The following CLEC16A variants were observed in gnomAD, a reference collection of about 807,000 sequenced individuals.
The protein encoded by CLEC16A is protein CLEC16A.
A neutral mutation model predicts 109.5 loss-of-function variants in CLEC16A; 51 were observed. That is an observed-to-expected ratio of 0.47 (90% confidence interval 0.37 to 0.59). The LOEUF is 0.59. CLEC16A is among the 20% of genes least tolerant of loss of function. The pLI, the probability that CLEC16A is intolerant of heterozygous loss-of-function variation, is 0.00. For missense variants in CLEC16A, 1,339 were observed against 1,394.0 expected, an observed-to-expected ratio of 0.96 and a Z score of 0.63; for synonymous variants, 673 against 564.2, an observed-to-expected ratio of 1.19 and a Z score of -2.73.
chr16:10,957,437 C>G (rs1030506064), intron 1 of CLEC16A, among the ~76,000 whole-genome samples: 2 of 152,244 alleles, frequency 1.3e-5, no homozygotes, highest in Non-Finnish European at 2.9e-5. Flanking sequence ...TTGCTCTTCT[C>G]TCAGTCCTGC....
At chr16:11,080,379 G>A (rs1292282973) in intron 19 of CLEC16A, among the ~76,000 whole-genome samples, 5 of 152,216 alleles carry the variant, frequency 3.3e-5, no homozygotes, top group South Asian at 2.1e-4. Flanking sequence ...CTGGGCGTCC[G>A]AGCCTTTGAG....
chr16:11,108,464 G>C (rs1246514841), intron 19 of CLEC16A, among the ~76,000 whole-genome samples: 3 of 152,254 alleles, frequency 2.0e-5, no homozygotes, highest in African/African-American at 7.2e-5. Context: ...TCATTTGACT[G>C]TCTCCTTGCC....
intron 4 of CLEC16A, 92 bp from the exon 5 acceptor site, chr16:10,971,033 T>TTTTCC: frequency 1.5e-6 from 1 of 666,310 alleles, no homozygotes. Context: ...TTTGTCTTTT[T>TTTTCC]CTGAAGTCTC....
chr16:10,998,798 T>A (rs1332162026), intron 10 of CLEC16A, among the ~76,000 whole-genome samples: 1 of 152,042 alleles, frequency 6.6e-6, no homozygotes, highest in East Asian at 1.9e-4. Flanking sequence ...GGGGTAGAGA[T>A]GAGAGCACAG....
At chr16:11,028,596 T>A (rs2046560449) in intron 13 of CLEC16A, among the ~76,000 whole-genome samples, 1 of 149,466 alleles carries the variant, frequency 6.7e-6, no homozygotes, top group African/African-American at 2.5e-5. Context: ...CGTAGGAAGC[T>A]TTGATCATTG....
chr16:11,074,413 G>T (rs1662499213), intron 19 of CLEC16A, among the ~76,000 whole-genome samples: 1 of 152,206 alleles, frequency 6.6e-6, no homozygotes, highest in Non-Finnish European at 1.5e-5. Context: ...CTGGAAATGG[G>T]ATTGTAATAG....
chr16:11,062,625 G>A (rs181420952), intron 19 of CLEC16A, among the ~76,000 whole-genome samples: 210 of 152,312 alleles, frequency 1.4e-3, no homozygotes, highest in Middle Eastern at 6.8e-3. Flanking sequence ...CGCCTGACAC[G>A]TAGAGGTTCT....
Position 11,174,378 on chromosome 16 carries a change from C to T in CLEC16A, c.2807-3957C>T, listed in dbSNP as rs965303125. 1.3e-5 allele frequency: 5 copies of T among 373,716 alleles called. No individual in the cohort carries two copies. The highest frequency in any genetic ancestry group is 2.7e-5 in the Non-Finnish European group (5 of 182,964). 23.1% of individuals were successfully genotyped at this position (373,716 alleles called of 1,614,324 possible). On this transcript the variant is annotated intron_variant, in intron 23 of 23. Coordinates refer to ENST00000409790, the MANE Select transcript of CLEC16A (RefSeq NM_015226.3). This position sits in a 1 kb window ranked among gnomAD's most constrained non-coding sequence, Gnocchi z 4.7. ...CGCTGGCAAGGTGGGCCAAGCTGGG[C>T]CTGAGCACAGAGCCATTTGCCAAGG...
intron 13 of CLEC16A, among the ~76,000 whole-genome samples, chr16:11,028,793 T>C (rs926923928): frequency 6.6e-6 from 1 of 152,220 alleles, no homozygotes; most frequent in Non-Finnish European, 1.5e-5. Context: ...CATTGATTTT[T>C]AAACCTTTCT....
intron 10 of CLEC16A, among the ~76,000 whole-genome samples, chr16:11,001,227 A>G (rs972004278): frequency 6.6e-6 from 1 of 152,104 alleles, no homozygotes; most frequent in Non-Finnish European, 1.5e-5. Context: ...CTGGGACTAC[A>G]TGGGCATGCC....
At chr16:11,057,939 G>A (rs536412788) in intron 18 of CLEC16A, among the ~76,000 whole-genome samples, 4 of 152,310 alleles carry the variant, frequency 2.6e-5, no homozygotes, top group South Asian at 2.1e-4. Context: ...AGACAACCCC[G>A]TACAGCTGGC....
At chr16:10,983,520 G>A (rs186154684) in intron 10 of CLEC16A, among the ~76,000 whole-genome samples, 17 of 152,306 alleles carry the variant, frequency 1.1e-4, no homozygotes, top group Admixed American at 8.5e-4. Flanking sequence ...GCATTGTTAC[G>A]TGTAATCTCT....
chr16:11,121,879 C>CAAAAAAAAA (rs536067685), intron 20 of CLEC16A, among the ~76,000 whole-genome samples: 1 of 29,828 alleles, frequency 3.4e-5, no homozygotes, highest in Non-Finnish European at 5.8e-5. Flanking sequence ...GACCCTGTCT[C>CAAAAAAAAA]AAAAAAAAAA....
intron 17 of CLEC16A, among the ~76,000 whole-genome samples, chr16:11,050,176 AACTC>A (rs2047863611): frequency 6.6e-6 from 1 of 152,242 alleles, no homozygotes; most frequent in East Asian, 1.9e-4. Context: ...GAGGGAACAG[AACTC>A]ACTCTTATAA....
At position 11,049,043 on chromosome 16, in the gene CLEC16A, G is replaced by T. The variant is rs191338696; in HGVS notation, c.1866+1701G>T. ...TTTTTTTCGAACAGAGTTTTGCTCT[G>T]TCGCCCAGGCTGGAGTGCAAGTAGT... On this transcript the variant is annotated intron_variant, in intron 17 of 23. Transcript: ENST00000409790. 1.1e-3 allele frequency among the ~76,000 whole-genome samples: 173 copies of T among 150,520 alleles called. 3 individuals are homozygous for T. Among genetic ancestry groups the T allele is most frequent in the East Asian group, 9.7e-4 (5 of 5,134 alleles).
At chr16:11,035,504 A>G (rs2046970862) in intron 13 of CLEC16A, among the ~76,000 whole-genome samples, 1 of 151,560 alleles carries the variant, frequency 6.6e-6, no homozygotes, top group Non-Finnish European at 1.5e-5. Flanking sequence ...TACACGGCAG[A>G]GAGGAGGGAG....
chr16:11,125,914 C>A (rs1367106656), intron 21 of CLEC16A, 65 bp from the exon 22 acceptor site: 2 of 209,160 alleles, frequency 9.6e-6, no homozygotes, highest in South Asian at 8.8e-5. Context: ...TCCCCCCCCC[C>A]AAATTCTCAC....
At chr16:11,026,963 C>T (rs535481458) in intron 13 of CLEC16A, 110 of 1,431,830 alleles carry the variant, frequency 7.7e-5, no homozygotes, top group East Asian at 1.6e-4. Flanking sequence ...GTAAACAGCG[C>T]GCGTGCTGTC....
chr16:11,116,255 C>T (rs1198678788), intron 19 of CLEC16A, among the ~76,000 whole-genome samples: 1 of 151,494 alleles, frequency 6.6e-6, no homozygotes, highest in Non-Finnish European at 1.5e-5. Flanking sequence ...AATAGCCAGG[C>T]GTGGTGGTGT....
Sources: allele counts gnomAD v4.1 joint callset (sites outside exome capture counted in the v4.1 genomes callset), GRCh38; gene constraint gnomAD v4.1.1; non-coding constraint Gnocchi (gnomAD v3.1); transcripts MANE v1.5; gene names NCBI Gene and HGNC (gene_info 2026-07-23, HGNC 2026-07-21).